The following ZFP2 variants were observed in gnomAD, a reference collection of about 807,000 sequenced individuals.
ZFP2 encodes ZFP2 zinc finger protein.
Under a neutral mutation model 36.1 loss-of-function variants are expected in ZFP2, and 33 were observed. The observed-to-expected ratio is 0.92, with a 90% CI of 0.69 to 1.22. The LOEUF (loss-of-function observed/expected upper bound fraction) is 1.22, where lower values mean the gene tolerates loss of function less well. Among genes scored for constraint, ZFP2 ranks in the 50% most tolerant of loss-of-function variants. The probability of loss-of-function intolerance (pLI) is 0.00; values close to 1 mark genes in which losing one functional copy is unlikely to be tolerated. For missense variants in ZFP2, 522 were observed against 551.4 expected, an observed-to-expected ratio of 0.95 and a Z score of 0.53; for synonymous variants, 170 against 178.0, an observed-to-expected ratio of 0.96 and a Z score of 0.36.
chr5:178,932,296 G>A lies in ZFP2; in HGVS notation c.983G>A (p.Cys328Tyr). ...CATTCTGGAGTAAAACCTTTTGAATGTAACGAGTGTGGAAAAGCTTTCAGT... is the reference window on the plus strand; with the variant it reads ...CATTCTGGAGTAAAACCTTTTGAATATAACGAGTGTGGAAAAGCTTTCAGT... ...RLHSGVKPFE[C>Y]NECGKAFSKN... The change falls in exon 5 of 5, where the codon TGT (cysteine) becomes TAT (tyrosine). Residue 328 changes from cysteine to tyrosine, a missense_variant. Physicochemically the swap from Cys to Tyr is radical, Grantham distance 194. Coordinates refer to ENST00000361362, the MANE Select transcript of ZFP2 (RefSeq NM_030613.4). 10 of 1,614,188 alleles carry A rather than the reference G, an allele frequency of 6.2e-6. No homozygotes were observed. Among genetic ancestry groups the A allele is most frequent in the Non-Finnish European group, 8.5e-6 (10 of 1,180,028 alleles).
At chr5:178,909,924 A>G in intron 1 of ZFP2, 1 of 1,475,314 alleles carries the variant, frequency 6.8e-7, no homozygotes, top group Non-Finnish European at 9.4e-7. Context: ...CTTGATCCTC[A>G]AGGGGTTCTC....
chr5:178,929,942 T>TGGGGC (rs1554107547), intron 4 of ZFP2, among the ~76,000 whole-genome samples: 3 of 131,900 alleles, frequency 2.3e-5, no homozygotes, highest in Non-Finnish European at 3.3e-5. Flanking sequence ...TGCTTGACGG[T>TGGGGC]GGGGGGGGGG....
intron 4 of ZFP2, among the ~76,000 whole-genome samples, chr5:178,924,921 T>C (rs1165466936): frequency 6.8e-6 from 1 of 148,096 alleles, no homozygotes; most frequent in Non-Finnish European, 1.5e-5. Flanking sequence ...ACATTGCTAG[T>C]GCCATGGAAA....
Position 178,932,330 on chromosome 5 carries a change from A to C in ZFP2, c.1017A>C (p.Ser339=). 6.2e-6 allele frequency: 10 copies of C among 1,614,184 alleles called. No individual in the cohort carries two copies. The highest frequency in any genetic ancestry group is 8.5e-6 in the Non-Finnish European group (10 of 1,180,028). Reference sequence around the variant, plus strand: ...GTGGAAAAGCTTTCAGTAAGAATTCATCTCTAACTCAACATCGGAGAATTC... The same window carrying C: ...GTGGAAAAGCTTTCAGTAAGAATTCCTCTCTAACTCAACATCGGAGAATTC... ...NECGKAFSKN[S]SLTQHRRIHT... The change falls in exon 5 of 5, where the codon TCA becomes TCC. Residue 339 remains serine, a synonymous_variant. Transcript: ENST00000361362.
In ZFP2 at chr5:178,931,232, TTC is replaced by T; in HGVS notation, c.-77-4_-77-3del. ...ATGTGCATTTGAATTTTTTTTTTTT[TTC>T]AGACTGGGAGACAAGACTTGAAACC... On this transcript the variant is annotated splice_region_variant and splice_polypyrimidine_tract_variant and intron_variant, in intron 4 of 4. Coordinates refer to ENST00000361362, the MANE Select transcript of ZFP2 (RefSeq NM_030613.4). The T allele has an allele frequency of 6.6e-7, 1 of 1,504,138 alleles. No homozygotes were observed. 93.2% of individuals were successfully genotyped at this position (1,504,138 alleles called of 1,614,324 possible). A position where few individuals can be genotyped will look rare whatever the true frequency, so the allele number is the denominator to read the frequency against.
intron 1 of ZFP2, among the ~76,000 whole-genome samples, chr5:178,908,661 A>C (rs1417960772): frequency 6.7e-6 from 1 of 148,758 alleles, no homozygotes; most frequent in Non-Finnish European, 1.5e-5. Flanking sequence ...AAGAAATGGC[A>C]GGCTTATTCT....
chr5:178,931,238 C>A lies in ZFP2; in HGVS notation c.-76C>A. On this transcript the variant is annotated splice_region_variant and 5_prime_UTR_variant, in exon 5 of 5. It adds an upstream start codon to the 5' untranslated region. Coordinates refer to ENST00000361362, the MANE Select transcript of ZFP2 (RefSeq NM_030613.4). ...ATTTGAATTTTTTTTTTTTTTCAGA[C>A]TGGGAGACAAGACTTGAAACCAAAG... The A allele has an allele frequency of 6.7e-7, 1 of 1,500,660 alleles. No individual in the cohort carries two copies. The highest frequency in any genetic ancestry group is 1.4e-5 in the South Asian group (1 of 70,906). The allele number at this position is 1,500,660 out of a possible 1,614,324, so 93.0% of individuals were successfully genotyped here. A position where few individuals can be genotyped will look rare whatever the true frequency, so the allele number is the denominator to read the frequency against.
chr5:178,910,177 C>T, intron 1 of ZFP2: 1 of 1,530,184 alleles, frequency 6.5e-7, no homozygotes, highest in Non-Finnish European at 9.0e-7. Flanking sequence ...TTGCAGCCAT[C>T]AAAAATCTTT....
At position 178,932,091 on chromosome 5, in the gene ZFP2, C is replaced by T; in HGVS notation, c.778C>T (p.His260Tyr). ...AFSQSMHLIVHQRSHTGEKPY... is the reference protein window; with the variant it reads ...AFSQSMHLIVYQRSHTGEKPY... ...CAGTCAAAGCATGCATCTTATTGTA[C>T]ATCAGAGAAGCCATACTGGAGAAAA... The change falls in exon 5 of 5, where the codon CAT becomes TAT. Residue 260 changes from histidine (H) to tyrosine (Y), a missense_variant. His to Tyr is a moderately conservative substitution (Grantham distance 83). Transcript: ENST00000361362. The T allele has an allele frequency of 6.2e-7, 1 of 1,614,004 alleles. No individual in the cohort carries two copies.
chr5:178,896,882 G>T (rs568909564), intron 1 of ZFP2, among the ~76,000 whole-genome samples: 1 of 152,158 alleles, frequency 6.6e-6, no homozygotes, highest in African/African-American at 2.4e-5. Flanking sequence ...ACCCAATGAA[G>T]ATAGAGAATA....
intron 1 of ZFP2, among the ~76,000 whole-genome samples, chr5:178,906,642 G>A (rs973377583): frequency 9.9e-5 from 15 of 151,788 alleles, no homozygotes; most frequent in Admixed American, 3.3e-4. Flanking sequence ...TGCAACCTCC[G>A]CCTCCCGGGT....
At chr5:178,923,323 A>G (rs1561683693) in intron 4 of ZFP2, among the ~76,000 whole-genome samples, 1 of 149,568 alleles carries the variant, frequency 6.7e-6, no homozygotes, top group African/African-American at 2.4e-5. Flanking sequence ...AGCCCCTGGT[A>G]ACCTCCGCTT....
intron 1 of ZFP2, among the ~76,000 whole-genome samples, chr5:178,899,775 C>CTT (rs397968153): frequency 2.1e-5 from 3 of 143,976 alleles, no homozygotes; most frequent in Admixed American, 7.0e-5. Context: ...GCCCTAACTT[C>CTT]TTTTTTTTTT....
At chr5:178,905,746 T>C (rs1758153323) in intron 1 of ZFP2, among the ~76,000 whole-genome samples, 1 of 152,128 alleles carries the variant, frequency 6.6e-6, no homozygotes, top group South Asian at 2.1e-4. Context: ...ACTTTCTTTT[T>C]TTTTTTCTTT....
Position 178,932,473 on chromosome 5 carries a change from G to A in ZFP2, c.1160G>A (p.Cys387Tyr), listed in dbSNP as rs754572916. 3 of 1,614,174 alleles carry A rather than the reference G, an allele frequency of 1.9e-6. No individual in the cohort carries two copies. The highest frequency in any genetic ancestry group is 2.5e-6 in the Non-Finnish European group (3 of 1,180,038). The change falls in exon 5 of 5, where the codon TGT becomes TAT. Residue 387 changes from cysteine (C) to tyrosine (Y), a missense_variant. By Grantham distance (194) the Cys-to-Tyr change is radical (BLOSUM62 -2). Coordinates refer to ENST00000361362, the MANE Select transcript of ZFP2 (RefSeq NM_030613.4). Reference protein sequence around the residue: ...TGEKPYECNECGKAFSQSAYL... With the variant: ...TGEKPYECNEYGKAFSQSAYL... ...GAGAAACCTTATGAGTGCAATGAAT[G>A]TGGAAAGGCATTCAGCCAGAGTGCT...
chr5:178,902,944 A>T (rs1386109017), intron 1 of ZFP2, among the ~76,000 whole-genome samples: 2 of 152,174 alleles, frequency 1.3e-5, no homozygotes, highest in African/African-American at 4.8e-5. Context: ...TTCTTTGATT[A>T]TGTGGGCATA....
In ZFP2 at chr5:178,901,052, A is replaced by G. The variant is rs879540167; in HGVS notation, c.-450+5078A>G. Among the ~76,000 whole-genome samples, 63 of 152,140 alleles carry G rather than the reference A, an allele frequency of 4.1e-4. 1 individual carries two copies. The highest frequency in any genetic ancestry group is 3.8e-4 in the Non-Finnish European group (26 of 68,024). ...TAAGTAGTACACAGTTGAATATACC[A>G]CCTTTTGTTCATTCACTTGTGACAG... is the stretch of plus-strand genomic sequence containing the variant. On this transcript the variant is annotated intron_variant, in intron 1 of 4. Transcript: ENST00000361362.
intron 4 of ZFP2, chr5:178,922,381 A>C: frequency 8.6e-7 from 1 of 1,156,640 alleles, no homozygotes; most frequent in Non-Finnish European, 1.3e-6. Flanking sequence ...CACCACTAAT[A>C]GAGTTGGCAT....
chr5:178,931,070 C>G (rs1238598167), intron 4 of ZFP2, among the ~76,000 whole-genome samples, 167 bp from the exon 5 acceptor site: 1 of 152,202 alleles, frequency 6.6e-6, no homozygotes, highest in Non-Finnish European at 1.5e-5. Flanking sequence ...TGTTTCTCTC[C>G]CTTCCTATTT....
Sources: gnomAD v4.1 joint callset for allele counts (sites outside exome capture counted in the v4.1 genomes callset) on GRCh38, gnomAD v4.1.1 for gene constraint, MANE v1.5 for transcripts, NCBI Gene and HGNC (gene_info 2026-07-23, HGNC 2026-07-21) for gene names.